Variants in ZFP1 observed in about 807,000 individuals in gnomAD.
The protein encoded by ZFP1 is zinc finger protein 1 homolog.
Under a neutral mutation model 38.5 loss-of-function variants are expected in ZFP1, and 32 were observed. The ratio of observed to expected loss-of-function variants is 0.83; its 90% confidence interval spans 0.63 to 1.12. The LOEUF (loss-of-function observed/expected upper bound fraction) is 1.12, where lower values mean the gene tolerates loss of function less well. ZFP1 is among the 50% of genes most tolerant of loss of function. The probability of loss-of-function intolerance (pLI) is 0.00; values close to 1 mark genes in which losing one functional copy is unlikely to be tolerated. For synonymous variants in ZFP1, 245 were observed against 168.8 expected, an observed-to-expected ratio of 1.45 and a Z score of -3.50; for missense variants, 616 against 480.8, an observed-to-expected ratio of 1.28 and a Z score of -2.63.
chr16:75,120,133 T>G, the ZFP1 span, among the ~76,000 whole-genome samples: 2 of 152,182 alleles, frequency 1.3e-5, no homozygotes, highest in African/African-American at 4.8e-5. Context: ...AAGATGTGCA[T>G]GTGTATGTGT....
intron 2 of ZFP1, among the ~76,000 whole-genome samples, chr16:75,160,648 G>C (rs2037722130): frequency 9.1e-6 from 1 of 110,038 alleles, no homozygotes; most frequent in Non-Finnish European, 1.8e-5. Context: ...GACAAAGCGA[G>C]ACTGCCTCAA....
intron 2 of ZFP1, among the ~76,000 whole-genome samples, chr16:75,159,803 C>T (rs886605447): frequency 6.6e-6 from 1 of 152,108 alleles, no homozygotes; most frequent in Admixed American, 6.6e-5. Context: ...TTTTGTCTGC[C>T]AGATAGCTAA....
the ZFP1 span, among the ~76,000 whole-genome samples, chr16:75,140,229 T>C: frequency 1.3e-5 from 2 of 151,314 alleles, no homozygotes; most frequent in African/African-American, 4.9e-5. Context: ...GATCACGCCA[T>C]TGCACTCCAG....
intron 2 of ZFP1, among the ~76,000 whole-genome samples, chr16:75,164,769 T>G (rs1375501805): frequency 6.6e-6 from 1 of 151,958 alleles, no homozygotes; most frequent in Non-Finnish European, 1.5e-5. Flanking sequence ...TGAAAATGAT[T>G]TGAAATAAAA....
chr16:75,130,691 C>T, the ZFP1 span, among the ~76,000 whole-genome samples: 1,041 of 152,268 alleles, frequency 6.8e-3, 10 homozygotes, highest in African/African-American at 0.024. Context: ...CTGACCATCA[C>T]CTGAGGGTGG....
At chr16:75,129,041 C>T in the ZFP1 span, among the ~76,000 whole-genome samples, 1 of 152,206 alleles carries the variant, frequency 6.6e-6, no homozygotes, top group Non-Finnish European at 1.5e-5. Flanking sequence ...CCGCCTGCCT[C>T]AGCCTCCCAA....
At chr16:75,159,269 T>C (rs75620348) in intron 2 of ZFP1, among the ~76,000 whole-genome samples, 16,006 of 138,468 alleles carry the variant, frequency 0.12, 1,823 homozygotes, top group East Asian at 0.63. Context: ...TTTCCCTTCC[T>C]TCCCTCACTT....
At chr16:75,159,338 C>T (rs796862090) in intron 2 of ZFP1, among the ~76,000 whole-genome samples, 13 of 6,732 alleles carry the variant, frequency 1.9e-3, no homozygotes, top group African/African-American at 3.1e-3. Context: ...TCCCTCCCTC[C>T]CTCCCTCCCT....
chr16:75,130,973 A>C, the ZFP1 span, among the ~76,000 whole-genome samples: 3 of 151,930 alleles, frequency 2.0e-5, no homozygotes, highest in African/African-American at 7.3e-5. Context: ...CAGATCTGGC[A>C]CCTTTTAGGG....
At chr16:75,137,667 C>T in the ZFP1 span, among the ~76,000 whole-genome samples, 4 of 151,668 alleles carry the variant, frequency 2.6e-5, no homozygotes, top group Non-Finnish European at 4.4e-5. Flanking sequence ...GGGGTTTCAC[C>T]GTGTTAGCCA....
At chr16:75,126,660 C>T in the ZFP1 span, among the ~76,000 whole-genome samples, 1 of 152,182 alleles carries the variant, frequency 6.6e-6, no homozygotes, top group South Asian at 2.1e-4. Flanking sequence ...ACCTTGGCCT[C>T]CTTAAATGCT....
chr16:75,146,578 G>A (rs2036947639), upstream of ZFP1, among the ~76,000 whole-genome samples: 1 of 152,150 alleles, frequency 6.6e-6, no homozygotes. Context: ...AGCAACCAAT[G>A]TATCTTCAGT....
At chr16:75,135,973 G>A in the ZFP1 span, among the ~76,000 whole-genome samples, 1 of 152,154 alleles carries the variant, frequency 6.6e-6, no homozygotes, top group Non-Finnish European at 1.5e-5. Flanking sequence ...CCGCCGCCAT[G>A]CCTGGCTAAT....
the ZFP1 span, among the ~76,000 whole-genome samples, chr16:75,125,103 A>G: frequency 6.6e-6 from 1 of 151,706 alleles, no homozygotes; most frequent in Non-Finnish European, 1.5e-5. Context: ...TACTAAAAAT[A>G]CAAAAATTAG....
intron 2 of ZFP1, among the ~76,000 whole-genome samples, chr16:75,162,778 G>T (rs1277078812): frequency 6.6e-6 from 1 of 152,108 alleles, no homozygotes; most frequent in Non-Finnish European, 1.5e-5. Flanking sequence ...ATTTCTGTTT[G>T]TGTTAATTCA....
intron 3 of ZFP1, among the ~76,000 whole-genome samples, chr16:75,167,723 G>A (rs889382465): frequency 2.0e-5 from 3 of 152,064 alleles, no homozygotes; most frequent in African/African-American, 7.2e-5. Flanking sequence ...CCTCAGCCTG[G>A]AGTAGCTGGG....
chr16:75,121,933 AT>A, the ZFP1 span, among the ~76,000 whole-genome samples: 1 of 152,336 alleles, frequency 6.6e-6, no homozygotes, highest in South Asian at 2.1e-4. Flanking sequence ...TTTCATACTT[AT>A]CCCTGCCAAA....
chr16:75,148,987 G>A (rs1329758323), intron 1 of ZFP1: 1 of 151,846 alleles, frequency 6.6e-6, no homozygotes, highest in African/African-American at 2.4e-5. Context: ...CGCGGGACGA[G>A]GCCCCGCCGG....
At chr16:75,140,298 G>A in the ZFP1 span, among the ~76,000 whole-genome samples, 1 of 151,832 alleles carries the variant, frequency 6.6e-6, no homozygotes, top group South Asian at 2.1e-4. Flanking sequence ...GCCAGGTGTG[G>A]TGGCTCATGC....
Sources: allele counts gnomAD v4.1 joint callset (sites outside exome capture counted in the v4.1 genomes callset), GRCh38; gene constraint gnomAD v4.1.1; transcripts MANE v1.5; gene names NCBI Gene and HGNC (gene_info 2026-07-23, HGNC 2026-07-21).